NAP1L4: variants seen among roughly 807,000 people sequenced by gnomAD.
NAP1L4 encodes the protein nucleosome assembly protein 1 like 4.
Under a neutral mutation model 58.2 loss-of-function variants are expected in NAP1L4, and 15 were observed. The observed-to-expected ratio is 0.26, with a 90% confidence interval of 0.17 to 0.40. The LOEUF is 0.40. Ranked by LOEUF, NAP1L4 falls within the 10% of genes least tolerant of loss-of-function variation. The pLI is 1.00. For synonymous variants in NAP1L4, 171 were observed against 155.6 expected (o/e 1.10, Z -0.74); for missense variants, 384 against 451.1 (o/e 0.85, Z 1.35).
At chr11:2,991,172 G>A (rs1848941788) in intron 1 of NAP1L4, 1 of 455,824 alleles carries the variant, frequency 2.2e-6, no homozygotes, top group Non-Finnish European at 4.4e-6. Context: ...CACACGTTAG[G>A]GTCTAAAGGT....
chr11:2,951,669 G>T lies in NAP1L4; in HGVS notation c.1065+111C>A. 9.8e-7 allele frequency: 1 copy of T among 1,017,890 alleles called. No individual in the cohort carries two copies. The highest frequency in any genetic ancestry group is 1.5e-6 in the Non-Finnish European group (1 of 661,152). The allele number at this position is 1,017,890 out of a possible 1,614,324, so 63.1% of individuals were successfully genotyped here. A position where few individuals can be genotyped will look rare whatever the true frequency, so the allele number is the denominator to read the frequency against. On this transcript the variant is annotated intron_variant, in intron 13 of 15. Coordinates refer to ENST00000380542, the MANE Select transcript of NAP1L4 (RefSeq NM_005969.4). The surrounding 1 kb of genome is among the most constrained non-coding windows in gnomAD (Gnocchi z 4.0). ...GAACATTCTTAGAATCAAAGACAGC[G>T]TCACAAAAAATGGGTTTAACACAGC...
In NAP1L4 at chr11:2,959,669, C is replaced by A; in HGVS notation, c.746+101G>T. The A allele has an allele frequency of 7.1e-7, 1 of 1,410,572 alleles. No homozygotes were observed. The highest frequency in any genetic ancestry group is 9.7e-7 in the Non-Finnish European group (1 of 1,027,756). The allele number at this position is 1,410,572 out of a possible 1,614,324, so 87.4% of individuals were successfully genotyped here. A position where few individuals can be genotyped will look rare whatever the true frequency, so the allele number is the denominator to read the frequency against. On this transcript the variant is annotated intron_variant, in intron 9 of 15. Transcript: ENST00000380542. The surrounding 1 kb of genome is among the most constrained non-coding windows in gnomAD (Gnocchi z 4.9). ...AGGCTTTTAGGCTTTTAAGCAGACTCAAGACTGTACTTTATTCCTTACTTC... is the reference window on the plus strand; with the variant it reads ...AGGCTTTTAGGCTTTTAAGCAGACTAAAGACTGTACTTTATTCCTTACTTC...
At chr11:2,987,528 G>A (rs1317769949) in intron 1 of NAP1L4, among the ~76,000 whole-genome samples, 2 of 151,256 alleles carry the variant, frequency 1.3e-5, no homozygotes, top group Non-Finnish European at 3.0e-5. Flanking sequence ...GGCCCAGGTG[G>A]GCAGACCACC....
At chr11:2,950,299 A>G (rs1235044100) in intron 14 of NAP1L4, among the ~76,000 whole-genome samples, 1 of 136,264 alleles carries the variant, frequency 7.3e-6, no homozygotes, top group Non-Finnish European at 1.5e-5. Context: ...CACATTCTCA[A>G]AAAAGTTTTA....
In NAP1L4 at chr11:2,963,161, G is replaced by GAA. The variant is rs71035454; in HGVS notation, c.606+1517_606+1518dup. On this transcript the variant is annotated intron_variant, in intron 8 of 15. Coordinates refer to ENST00000380542, the MANE Select transcript of NAP1L4 (RefSeq NM_005969.4). ...GAAAAGAAAAGGAGAAAAAAGAAAG[G>GAA]AAAAAAAAAGGAACTGACCCAAAAG... Among the ~76,000 whole-genome samples, 8 of 146,042 alleles carry GAA rather than the reference G, an allele frequency of 5.5e-5. No individual in the cohort carries two copies. The East Asian group carries it at 6.1e-4, about 11-fold the overall frequency.
At position 2,959,450 on chromosome 11, in the gene NAP1L4, T is replaced by C. The variant is rs1444039574; in HGVS notation, c.746+320A>G. ...GTATTTATTTGCTGAGGGTAATCCA[T>C]GGATTCAATTTTAAGAACTTCAATT... On this transcript the variant is annotated intron_variant, in intron 9 of 15. Transcript: ENST00000380542. This position sits in a 1 kb window ranked among gnomAD's most constrained non-coding sequence, Gnocchi z 4.9. Among the ~76,000 whole-genome samples the C allele has an allele frequency of 6.6e-6, 1 of 152,314 alleles. No individual in the cohort carries two copies. The highest frequency in any genetic ancestry group is 1.9e-4 in the East Asian group (1 of 5,188).
Position 2,978,357 on chromosome 11 carries a change from T to C in NAP1L4, c.15-15A>G, listed in dbSNP as rs1371750150. ...CATCTGAAAAACTAAAACAACAGTA[T>C]GTTTAAAAAGTATTACTGTAAAGAA... On this transcript the variant is annotated splice_polypyrimidine_tract_variant and intron_variant, in intron 2 of 15. Coordinates refer to ENST00000380542, the MANE Select transcript of NAP1L4 (RefSeq NM_005969.4). 2 of 1,612,366 alleles carry C rather than the reference T, an allele frequency of 1.2e-6. No individual in the cohort carries two copies. Among genetic ancestry groups the C allele is most frequent in the Admixed American group, 1.7e-5 (1 of 59,906 alleles).
At chr11:2,967,745 C>T (rs1847376384) in intron 7 of NAP1L4, among the ~76,000 whole-genome samples, 1 of 152,040 alleles carries the variant, frequency 6.6e-6, no homozygotes, top group Non-Finnish European at 1.5e-5. Context: ...CTCTATCAAC[C>T]CCTGCATATC....
chr11:2,969,588 C>T (rs2133965359), intron 7 of NAP1L4, among the ~76,000 whole-genome samples: 1 of 152,262 alleles, frequency 6.6e-6, no homozygotes, highest in Non-Finnish European at 1.5e-5. Context: ...CAGCTTTCCA[C>T]CAAGAACTGC....
intron 10 of NAP1L4, among the ~76,000 whole-genome samples, chr11:2,957,490 C>T (rs1171228701): frequency 6.6e-6 from 1 of 152,138 alleles, no homozygotes; most frequent in Non-Finnish European, 1.5e-5. Flanking sequence ...CCCTGTGGCC[C>T]CACATACAAA....
At chr11:2,958,044 G>C (rs1316173414) in intron 10 of NAP1L4, among the ~76,000 whole-genome samples, 1 of 152,204 alleles carries the variant, frequency 6.6e-6, no homozygotes, top group South Asian at 2.1e-4. Flanking sequence ...ATGCCAGCTG[G>C]TGGAGAAGGG....
chr11:2,983,310 T>G (rs1848437227), intron 1 of NAP1L4, among the ~76,000 whole-genome samples: 2 of 152,014 alleles, frequency 1.3e-5, no homozygotes, highest in Admixed American at 1.3e-4. Context: ...CTTAACAGAG[T>G]CCATTGATAA....
intron 8 of NAP1L4, 108 bp from the exon 9 acceptor site, chr11:2,960,017 A>G (rs1359859156): frequency 8.6e-7 from 1 of 1,163,768 alleles, no homozygotes; most frequent in Non-Finnish European, 1.2e-6. Context: ...AAAGCTCAAC[A>G]GATAGGGCCA....
chr11:2,981,210 C>T (rs557286955), intron 1 of NAP1L4, among the ~76,000 whole-genome samples: 3 of 150,936 alleles, frequency 2.0e-5, no homozygotes, highest in Admixed American at 2.0e-4. Context: ...TGCACTCCCG[C>T]CTGGAAGACA....
intron 3 of NAP1L4, among the ~76,000 whole-genome samples, chr11:2,976,599 C>A (rs1249595234): frequency 6.6e-6 from 1 of 152,222 alleles, no homozygotes; most frequent in Non-Finnish European, 1.5e-5. Context: ...TAGCTCTCTG[C>A]CAGCACTGTT....
chr11:2,984,759 T>C (rs1319537556), intron 1 of NAP1L4, among the ~76,000 whole-genome samples: 3 of 151,770 alleles, frequency 2.0e-5, no homozygotes, highest in African/African-American at 7.2e-5. Context: ...AGTGGCTACC[T>C]GAGAAACTGT....
chr11:2,977,861 A>G (rs1848057375), intron 3 of NAP1L4, among the ~76,000 whole-genome samples: 1 of 117,712 alleles, frequency 8.5e-6, no homozygotes, highest in Non-Finnish European at 1.7e-5. Context: ...TAAAGGGTAT[A>G]GACTTAAAAA....
chr11:2,945,512 G>T lies in NAP1L4; in HGVS notation c.*167C>A. On this transcript the variant is annotated 3_prime_UTR_variant, in exon 16 of 16. Coordinates refer to ENST00000380542, the MANE Select transcript of NAP1L4 (RefSeq NM_005969.4). ...CTTGAAAACGAGTTAGATGGAGTAA[G>T]CTCTGTCCACGGGATTGTGCTGCGG... 9.5e-7 allele frequency: 1 copy of T among 1,050,698 alleles called. No homozygotes were observed. Among genetic ancestry groups the T allele is most frequent in the Non-Finnish European group, 1.4e-6 (1 of 732,440 alleles). 65.1% of individuals were successfully genotyped at this position (1,050,698 alleles called of 1,614,324 possible).
At position 2,972,261 on chromosome 11, in the gene NAP1L4, A is replaced by G; in HGVS notation, c.174-18T>C. On this transcript the variant is annotated intron_variant, in intron 4 of 15. Coordinates refer to ENST00000380542, the MANE Select transcript of NAP1L4 (RefSeq NM_005969.4). ...TAGGTAAACTAAAAAAGGGAGTAAG[A>G]AATACAACATCCTCATGCCTGCAAA... 1 of 1,588,590 alleles carries G rather than the reference A, an allele frequency of 6.3e-7. No homozygotes were observed. Among genetic ancestry groups the G allele is most frequent in the Non-Finnish European group, 8.5e-7 (1 of 1,171,968 alleles).
Sources: allele counts gnomAD v4.1 joint callset (sites outside exome capture counted in the v4.1 genomes callset), GRCh38; gene constraint gnomAD v4.1.1; non-coding constraint Gnocchi (gnomAD v3.1); transcripts MANE v1.5; gene names NCBI Gene and HGNC (gene_info 2026-07-23, HGNC 2026-07-21).